CSNK2A1: variants seen among roughly 807,000 people sequenced by gnomAD.
CSNK2A1 encodes the protein casein kinase II subunit alpha.
Under a neutral mutation model 62.9 loss-of-function variants are expected in CSNK2A1, and 10 were observed. The ratio of observed to expected loss-of-function variants is 0.16; its 90% CI spans 0.10 to 0.27. The LOEUF (loss-of-function observed/expected upper bound fraction) is 0.27. Among genes scored for constraint, CSNK2A1 ranks in the 10% least tolerant of loss-of-function variants. CSNK2A1 has a pLI of 1.00. For missense variants in CSNK2A1, 160 were observed against 492.0 expected (o/e 0.33, Z 6.38); for synonymous variants, 124 against 167.8 (o/e 0.74, Z 2.02).
chr20:506,276 C>T (rs560779419), intron 3 of CSNK2A1: 3 of 152,374 alleles, frequency 2.0e-5, no homozygotes, highest in East Asian at 3.9e-4. Context: ...AATCTAGCCA[C>T]ACTTTGGCAG....
At chr20:529,209 AAAG>A (rs2019160973) in intron 1 of CSNK2A1, among the ~76,000 whole-genome samples, 2 of 123,862 alleles carry the variant, frequency 1.6e-5, no homozygotes, top group Non-Finnish European at 3.6e-5. Flanking sequence ...TTTTTTTTGT[AAAG>A]AAGGTTTCTC....
At chr20:487,954 A>G (rs2018135064) in intron 11 of CSNK2A1, 1 of 279,286 alleles carries the variant, frequency 3.6e-6, no homozygotes, top group African/African-American at 2.2e-5. Context: ...TTGCATCAGG[A>G]AAGTCCATCT....
At chr20:515,769 T>C (rs567745161) in intron 2 of CSNK2A1, among the ~76,000 whole-genome samples, 1 of 152,356 alleles carries the variant, frequency 6.6e-6, no homozygotes, top group South Asian at 2.1e-4. Context: ...GTAAACACTA[T>C]TTGGTGATCA....
At chr20:504,914 G>C (rs574591962) in intron 4 of CSNK2A1, 1 of 529,526 alleles carries the variant, frequency 1.9e-6, no homozygotes, top group African/African-American at 2.0e-5. Context: ...AGCTATATGA[G>C]TCAACTCAAA....
chr20:481,406 AAT>A lies in CSNK2A1; in HGVS notation c.*2553_*2554del, dbSNP rs1297441710. The A allele has an allele frequency of 4.6e-5, 7 of 152,048 alleles. No homozygotes were observed. The highest frequency in any genetic ancestry group is 1.3e-4 in the Admixed American group (2 of 15,262). 9.4% of individuals were successfully genotyped at this position (152,048 alleles called of 1,614,324 possible). A position where few individuals can be genotyped will look rare whatever the true frequency, so the allele number is the denominator to read the frequency against. ...AATGCAGACACAGGTAGTGCTGAGA[AAT>A]AGTGTCCCAATACAAGGTATACAGA... On this transcript the variant is annotated 3_prime_UTR_variant, in exon 14 of 14. Transcript: ENST00000217244.
Position 483,775 on chromosome 20 carries a change from A to C in CSNK2A1, c.*186T>G, listed in dbSNP as rs1319669824. On this transcript the variant is annotated 3_prime_UTR_variant, in exon 14 of 14. Coordinates refer to ENST00000217244, the MANE Select transcript of CSNK2A1 (RefSeq NM_177559.3). ...TTATGAAAAGTTCGAGTTAAAAAAA[A>C]AAAGAAAAAAGAAAATCAGCCTATT... 1 of 412,266 alleles carries C rather than the reference A, an allele frequency of 2.4e-6. No homozygotes were observed. Among genetic ancestry groups the C allele is most frequent in the Non-Finnish European group, 4.1e-6 (1 of 241,922 alleles). The allele number at this position is 412,266 out of a possible 1,614,324, so 25.5% of individuals were successfully genotyped here.
At chr20:490,558 C>T (rs1165099880) in intron 9 of CSNK2A1, among the ~76,000 whole-genome samples, 13 of 150,838 alleles carry the variant, frequency 8.6e-5, no homozygotes, top group African/African-American at 1.5e-4. Context: ...CGCCCACCAC[C>T]GCGCCTGGCT....
chr20:543,627 C>G, intron 1 of CSNK2A1, 45 bp downstream of exon 1: 1 of 397,542 alleles, frequency 2.5e-6, no homozygotes, highest in East Asian at 3.6e-5. Flanking sequence ...CTATCCTGGG[C>G]CCACCCCACC....
At chr20:511,133 G>A (rs1568536154) in intron 2 of CSNK2A1, among the ~76,000 whole-genome samples, 1 of 152,084 alleles carries the variant, frequency 6.6e-6, no homozygotes. Context: ...GAACCCAGGA[G>A]TTCGCAACCA....
At position 499,779 on chromosome 20, in the gene CSNK2A1, A is replaced by G. The variant is rs551491704; in HGVS notation, c.315+54T>C. The G allele has an allele frequency of 3.2e-6, 5 of 1,554,404 alleles. No individual in the cohort carries two copies. In the African/African-American group the frequency reaches 5.4e-5, roughly 17 times the overall value. On this transcript the variant is annotated intron_variant, in intron 5 of 13. Transcript: ENST00000217244. This position sits in a 1 kb window ranked among gnomAD's most constrained non-coding sequence, Gnocchi z 4.2. Reference sequence around the variant, plus strand: ...AACAAAAAGAGGCCAGTTGTGCTCCAGGTCAAACACCATCTCAGCTCTGGC... The same window carrying G: ...AACAAAAAGAGGCCAGTTGTGCTCCGGGTCAAACACCATCTCAGCTCTGGC...
chr20:529,787 T>C (rs1344144317), intron 1 of CSNK2A1, among the ~76,000 whole-genome samples: 1 of 152,192 alleles, frequency 6.6e-6, no homozygotes, highest in African/African-American at 2.4e-5. Flanking sequence ...AATGCTTAGT[T>C]AAAATGGAAA....
At chr20:491,772 A>G (rs2018240343) in intron 9 of CSNK2A1, among the ~76,000 whole-genome samples, 1 of 152,066 alleles carries the variant, frequency 6.6e-6, no homozygotes, top group Non-Finnish European at 1.5e-5. Flanking sequence ...AAATACAAGA[A>G]AAATTAGCTG....
At chr20:487,106 C>T in intron 12 of CSNK2A1, 1 of 293,298 alleles carries the variant, frequency 3.4e-6, no homozygotes, top group Admixed American at 4.5e-5. Flanking sequence ...TAGCTCTTTC[C>T]AACGAATGAT....
At chr20:512,541 T>A (rs1361167702) in intron 2 of CSNK2A1, among the ~76,000 whole-genome samples, 1 of 152,214 alleles carries the variant, frequency 6.6e-6, no homozygotes, top group Non-Finnish European at 1.5e-5. Flanking sequence ...TGTCGGCAGC[T>A]AAAGGCTTTC....
At chr20:537,660 A>G (rs2019363280) in intron 1 of CSNK2A1, among the ~76,000 whole-genome samples, 1 of 152,228 alleles carries the variant, frequency 6.6e-6, no homozygotes, top group South Asian at 2.1e-4. Context: ...ATTTCTCTAT[A>G]AACTAAATGA....
chr20:492,388 A>C (rs2018254695), intron 8 of CSNK2A1, 24 bp from the exon 9 acceptor site: 1 of 1,611,138 alleles, frequency 6.2e-7, no homozygotes, highest in Admixed American at 1.7e-5. Flanking sequence ...AACCATGAGC[A>C]ATCTTATCTT....
At chr20:496,652 G>C (rs1193303644) in intron 7 of CSNK2A1, 2 of 152,198 alleles carry the variant, frequency 1.3e-5, no homozygotes, top group African/African-American at 2.4e-5. Context: ...GAAAGATCAA[G>C]TATCTCTGCT....
intron 3 of CSNK2A1, chr20:506,001 T>TG (rs1170104191): frequency 4.1e-5 from 6 of 145,984 alleles, no homozygotes; most frequent in Non-Finnish European, 4.5e-5. Context: ...CAGCCTCCCC[T>TG]AGTAGCTGGG....
In CSNK2A1 at chr20:488,680, G is replaced by T; in HGVS notation, c.822C>A (p.Gly274=). 6.2e-7 allele frequency: 1 copy of T among 1,613,344 alleles called. No homozygotes were observed. Residue 274 remains glycine (G), a splice_region_variant and synonymous_variant, in exon 11 of 14, where the codon GGC becomes GGA. Transcript: ENST00000217244. Reference sequence around the variant, plus strand: ...ACATATTTTGTTTCATGACTTACCTGCCCAAGATATCATTGAAACGTGGAT... The same window carrying T: ...ACATATTTTGTTTCATGACTTACCTTCCCAAGATATCATTGAAACGTGGAT... ...ELDPRFNDIL[G]RHSRKRWERF...
Sources: allele counts gnomAD v4.1 joint callset (sites outside exome capture counted in the v4.1 genomes callset), GRCh38; gene constraint gnomAD v4.1.1; non-coding constraint Gnocchi (gnomAD v3.1); transcripts MANE v1.5; gene names NCBI Gene and HGNC (gene_info 2026-07-23, HGNC 2026-07-21).